Variants in SPATA13 observed in about 807,000 individuals in gnomAD.
SPATA13 encodes the protein spermatogenesis associated 13.
Under a neutral mutation model 104.0 loss-of-function variants are expected in SPATA13, and 50 were observed. The ratio of observed to expected loss-of-function variants is 0.48; its 90% CI spans 0.38 to 0.61. The LOEUF (loss-of-function observed/expected upper bound fraction) is 0.61. SPATA13 is among the 20% of genes least tolerant of loss of function. The pLI, the probability that SPATA13 is intolerant of heterozygous loss-of-function variation, is 0.00. For synonymous variants in SPATA13, 606 were observed against 667.5 expected, an observed-to-expected ratio of 0.91 and a Z score of 1.42; for missense variants, 1,524 against 1,690.6, an observed-to-expected ratio of 0.90 and a Z score of 1.73.
chr13:24,269,290 C>T (rs1240975058), intron 4 of SPATA13, among the ~76,000 whole-genome samples: 1 of 152,168 alleles, frequency 6.6e-6, no homozygotes, highest in Non-Finnish European at 1.5e-5. Flanking sequence ...TGAACACAGG[C>T]AGTCTGACTC....
At chr13:24,211,733 C>T (rs115245921) in intron 1 of SPATA13, among the ~76,000 whole-genome samples, 34,766 of 151,772 alleles carry the variant, frequency 0.23, 4,311 homozygotes, top group South Asian at 0.3. Context: ...GTGGCACTGA[C>T]GATGATGGCC....
At chr13:24,260,267 G>A (rs933355051) in intron 4 of SPATA13, among the ~76,000 whole-genome samples, 1 of 152,164 alleles carries the variant, frequency 6.6e-6, no homozygotes, top group African/African-American at 2.4e-5. Flanking sequence ...TGTGTTCCAG[G>A]CAAAAAGTGG....
At chr13:24,298,973 C>T (rs575186091) in intron 11 of SPATA13, among the ~76,000 whole-genome samples, 20 of 152,242 alleles carry the variant, frequency 1.3e-4, no homozygotes, top group African/African-American at 4.8e-4. Context: ...TCAGGGTGTC[C>T]TTTACACTAA....
chr13:24,135,513 C>G (rs1419989593), intron 3 of SPATA13, among the ~76,000 whole-genome samples: 1 of 151,936 alleles, frequency 6.6e-6, no homozygotes, highest in East Asian at 1.9e-4. Flanking sequence ...CTGGCTAACA[C>G]AGTGAAACCC....
At chr13:24,013,411 C>T (rs1184458502) in intron 2 of SPATA13, among the ~76,000 whole-genome samples, 1 of 152,146 alleles carries the variant, frequency 6.6e-6, no homozygotes, top group Non-Finnish European at 1.5e-5. Flanking sequence ...GCTCTGGGGC[C>T]CATGGGCAGC....
intron 1 of SPATA13, among the ~76,000 whole-genome samples, chr13:24,177,052 G>A (rs1181608979): frequency 1.3e-5 from 2 of 152,058 alleles, no homozygotes; most frequent in Non-Finnish European, 2.9e-5. Flanking sequence ...GGCACGAGCT[G>A]CCGCACCCAG....
At chr13:23,999,328 G>A (rs2137669982) in intron 2 of SPATA13, among the ~76,000 whole-genome samples, 1 of 122,178 alleles carries the variant, frequency 8.2e-6, no homozygotes, top group Middle Eastern at 7.6e-3. Flanking sequence ...TAGGCACTTT[G>A]CATTTCCATG....
intron 3 of SPATA13, among the ~76,000 whole-genome samples, chr13:24,136,369 G>A (rs1881566762): frequency 1.3e-5 from 2 of 152,092 alleles, no homozygotes; most frequent in African/African-American, 2.4e-5. Flanking sequence ...CCAGCTACTC[G>A]GGAGGCTGGG....
At chr13:24,270,601 C>T (rs1874526690) in intron 4 of SPATA13, 1 of 682,210 alleles carries the variant, frequency 1.5e-6, no homozygotes, top group Non-Finnish European at 2.4e-6. Flanking sequence ...TAGGTTTTGC[C>T]TTAGTTTAGA....
At chr13:24,191,611 G>C (rs924546019) in intron 1 of SPATA13, among the ~76,000 whole-genome samples, 12 of 137,194 alleles carry the variant, frequency 8.7e-5, no homozygotes, top group African/African-American at 3.2e-4. Flanking sequence ...CTGGGTTCAC[G>C]CCATTCTCCT....
intron 3 of SPATA13, among the ~76,000 whole-genome samples, chr13:24,118,052 CCAACTA>C (rs1403946032): frequency 1.3e-5 from 2 of 152,142 alleles, no homozygotes; most frequent in Non-Finnish European, 2.9e-5. Flanking sequence ...TTTGTTACAA[CCAACTA>C]CAGATTATAA....
intron 9 of SPATA13, among the ~76,000 whole-genome samples, chr13:24,291,608 A>G (rs1485029506): frequency 6.6e-6 from 1 of 152,092 alleles, no homozygotes; most frequent in Non-Finnish European, 1.5e-5. Context: ...TTCCATGCTT[A>G]CCTGAATGCT....
At chr13:23,993,584 T>C (rs1194702871) in intron 2 of SPATA13, among the ~76,000 whole-genome samples, 1 of 152,250 alleles carries the variant, frequency 6.6e-6, no homozygotes, top group Non-Finnish European at 1.5e-5. Context: ...TGATACCATG[T>C]GCATGTGGCC....
chr13:24,150,362 T>C (rs528408419), intron 3 of SPATA13, among the ~76,000 whole-genome samples: 1 of 152,148 alleles, frequency 6.6e-6, no homozygotes, highest in Non-Finnish European at 1.5e-5. Flanking sequence ...GGCATGGCAG[T>C]GCATCTCAGC....
At chr13:24,139,954 G>A (rs4770604) in intron 3 of SPATA13, among the ~76,000 whole-genome samples, 35,216 of 151,766 alleles carry the variant, frequency 0.23, 4,420 homozygotes, top group East Asian at 0.56. Context: ...TGTAGTCCCA[G>A]CTACTCGGGA....
intron 1 of SPATA13, 41 bp downstream of exon 1, chr13:24,160,973 G>T: frequency 8.2e-6 from 8 of 974,302 alleles, no homozygotes; most frequent in Non-Finnish European, 9.8e-6. Context: ...GGGCGGGCGC[G>T]GGCATGGGCT....
Position 24,286,137 on chromosome 13 carries a change from A to T in SPATA13, c.2302-77A>T, listed in dbSNP as rs1033931804. The T allele has an allele frequency of 1.4e-6, 2 of 1,383,650 alleles. No homozygotes were observed. The highest frequency in any genetic ancestry group is 2.6e-4 in the Middle Eastern group (1 of 3,896). 85.7% of individuals were successfully genotyped at this position (1,383,650 alleles called of 1,614,324 possible). The stretch of plus-strand genomic sequence containing the variant: ...GAGAGGATACCAGTGTCACCCTGAG[A>T]GAGTGCACCTAGTGGCTCCCTCACC... On this transcript the variant is annotated intron_variant, in intron 5 of 12. Coordinates refer to ENST00000382108, the MANE Select transcript of SPATA13 (RefSeq NM_001166271.3). The surrounding 1 kb of genome is among the most constrained non-coding windows in gnomAD (Gnocchi z 4.9).
At chr13:24,251,472 G>A in intron 3 of SPATA13, 2 of 985,418 alleles carry the variant, frequency 2.0e-6, no homozygotes, top group Non-Finnish European at 2.4e-6. Flanking sequence ...CTATTGGCAT[G>A]TTGCAGACAA....
chr13:24,204,557 A>G (rs1870595097), intron 1 of SPATA13, among the ~76,000 whole-genome samples: 1 of 152,126 alleles, frequency 6.6e-6, no homozygotes, highest in Admixed American at 6.6e-5. Context: ...GAACTGTTCC[A>G]TCTCCCAAAC....
Sources: gnomAD v4.1 joint callset for allele counts (sites outside exome capture counted in the v4.1 genomes callset) on GRCh38, gnomAD v4.1.1 for gene constraint, Gnocchi (gnomAD v3.1) non-coding constraint, MANE v1.5 for transcripts, NCBI Gene and HGNC (gene_info 2026-07-23, HGNC 2026-07-21) for gene names.